The following MYRFL variants were observed in gnomAD, a reference collection of about 807,000 sequenced individuals.
MYRFL encodes myelin regulatory factor-like protein.
A neutral mutation model predicts 109.4 loss-of-function variants in MYRFL; 88 were observed. That is an observed-to-expected ratio of 0.80 (90% CI 0.68 to 0.96). The LOEUF (loss-of-function observed/expected upper bound fraction) is 0.96, where lower values mean the gene tolerates loss of function less well. Among genes scored for constraint, MYRFL ranks in the 40% least tolerant of loss-of-function variants. The pLI, the probability that MYRFL is intolerant of heterozygous loss-of-function variation, is 0.00. For missense variants in MYRFL, 957 were observed against 954.9 expected (o/e 1.00, Z -0.03); for synonymous variants, 324 against 320.9 (o/e 1.01, Z -0.10).
In MYRFL at chr12:69,958,278, A is replaced by G. The variant is rs1251614019; in HGVS notation, c.2601A>G (p.Val867=). 6.5e-7 allele frequency: 1 copy of G among 1,536,560 alleles called. No individual in the cohort carries two copies. Among genetic ancestry groups the G allele is most frequent in the Non-Finnish European group, 8.7e-7 (1 of 1,146,986 alleles). ...QGYQHIWSLP[V]APFSDSMFHF... is the part of the protein sequence containing the mutation. ...ATCAGCACATTTGGAGCCTCCCTGT[A>G]GCCCCATTTTCTGACAGCATGTTCC... The change falls in exon 24 of 25, where the codon GTA becomes GTG. Residue 867 remains valine (V), a synonymous_variant. Transcript: ENST00000552032.
At chr12:69,919,552 A>T (rs1425954948) in intron 13 of MYRFL, among the ~76,000 whole-genome samples, 1 of 152,186 alleles carries the variant, frequency 6.6e-6, no homozygotes, top group African/African-American at 2.4e-5. Flanking sequence ...GCCACCTGGA[A>T]GTCTGAGCTT....
At position 69,895,423 on chromosome 12, in the gene MYRFL, T is replaced by C; in HGVS notation, c.1033T>C (p.Phe345Leu). ...VTKVTLGRLH[F>L]SETTANNMRK... Reference sequence around the variant, plus strand: ...CAAAGTAACACTGGGACGATTACACTTCAGCGAAACCACAGCAAATAATAT... The same window carrying C: ...CAAAGTAACACTGGGACGATTACACCTCAGCGAAACCACAGCAAATAATAT... Residue 345 changes from phenylalanine (F) to leucine (L), a missense_variant, in exon 9 of 25, where the codon TTC (phenylalanine) becomes CTC (leucine). By Grantham distance (22) the Phe-to-Leu change is conservative (BLOSUM62 0). Transcript: ENST00000552032. The C allele has an allele frequency of 6.5e-7, 1 of 1,535,670 alleles. No homozygotes were observed. The highest frequency in any genetic ancestry group is 8.7e-7 in the Non-Finnish European group (1 of 1,146,650).
chr12:69,907,217 A>T (rs2120375945), intron 11 of MYRFL, among the ~76,000 whole-genome samples: 1 of 152,348 alleles, frequency 6.6e-6, no homozygotes, highest in East Asian at 1.9e-4. Context: ...TGTTTGAGGA[A>T]CATTGTCATA....
chr12:69,891,265 A>AT, intron 7 of MYRFL, 99 bp downstream of exon 7: 1 of 902,584 alleles, frequency 1.1e-6, no homozygotes, highest in Non-Finnish European at 1.5e-6. Context: ...ACTTAAAATA[A>AT]TAACAGTCCT....
At position 69,845,792 on chromosome 12, in the gene MYRFL, GAA is replaced by G. The variant is rs71276402; in HGVS notation, c.47-9471_47-9470del. ...ATGACTTTCCACTGTTGGGAAAAGC[GAA>G]AAAAAAAAAAAAAAAACCTTGTTAT... On this transcript the variant is annotated intron_variant, in intron 1 of 24. Transcript: ENST00000552032. 6.4e-3 allele frequency among the ~76,000 whole-genome samples: 767 copies of G among 120,478 alleles called. 5 individuals are homozygous for G. The highest frequency in any genetic ancestry group is 8.4e-3 in the Non-Finnish European group (468 of 55,556). The allele number at this position is 120,478 out of a possible 152,430, so 79.0% of individuals were successfully genotyped here. A position where few individuals can be genotyped will look rare whatever the true frequency, so the allele number is the denominator to read the frequency against.
Position 69,860,910 on chromosome 12 carries a change from A to G in MYRFL, c.137+5540A>G, listed in dbSNP as rs1027495278. ...CCCCCCTCCCCCCTCCCCCCACCCC[A>G]CAACAGTCCCCAGAGTGTGATGTTC... On this transcript the variant is annotated intron_variant, in intron 2 of 24. Transcript: ENST00000552032. Among the ~76,000 whole-genome samples, 15 of 91,002 alleles carry G rather than the reference A, an allele frequency of 1.6e-4. No homozygotes were observed. In the South Asian group the frequency reaches 4.8e-3, roughly 29 times the overall value. The allele number at this position is 91,002 out of a possible 152,430, so 59.7% of individuals were successfully genotyped here.
Position 69,926,396 on chromosome 12 carries a change from C to T in MYRFL, c.1603-175C>T, listed in dbSNP as rs545137068. On this transcript the variant is annotated intron_variant, in intron 13 of 24. Coordinates refer to ENST00000552032, the MANE Select transcript of MYRFL (RefSeq NM_182530.3). ...GTTTACTACACAGCCAGCAGTTTAG[C>T]AAGACTGTGTTCAGTTTCAAACCTC... Among the ~76,000 whole-genome samples the T allele has an allele frequency of 5.3e-5, 8 of 152,238 alleles. No individual in the cohort carries two copies. In the East Asian group the frequency reaches 1.5e-3, roughly 29 times the overall value.
Position 69,958,311 on chromosome 12 carries a change from T to C in MYRFL, c.2634T>C (p.Arg878=). 6.5e-7 allele frequency: 1 copy of C among 1,536,512 alleles called. No individual in the cohort carries two copies. The highest frequency in any genetic ancestry group is 1.2e-5 in the South Asian group (1 of 84,036). ...TTTCTGACAGCATGTTCCATTTCCGTGTAGCTGCACCGGTAAGCTTGCTTT... is the reference window on the plus strand; with the variant it reads ...TTTCTGACAGCATGTTCCATTTCCGCGTAGCTGCACCGGTAAGCTTGCTTT... The part of the protein sequence containing the change: ...APFSDSMFHF[R]VAAPDLADCS... Residue 878 remains arginine, a synonymous_variant, in exon 24 of 25, where the codon CGT becomes CGC. Coordinates refer to ENST00000552032, the MANE Select transcript of MYRFL (RefSeq NM_182530.3).
chr12:69,945,807 G>A (rs1723802836), intron 19 of MYRFL, among the ~76,000 whole-genome samples: 1 of 150,430 alleles, frequency 6.6e-6, no homozygotes, highest in African/African-American at 2.4e-5. Flanking sequence ...CTAAAACGGT[G>A]AAACCCCGTC....
At chr12:69,943,580 CT>C (rs1390385633) in intron 19 of MYRFL, among the ~76,000 whole-genome samples, 2 of 151,522 alleles carry the variant, frequency 1.3e-5, no homozygotes, top group African/African-American at 4.8e-5. Flanking sequence ...CATAAAAACC[CT>C]AGAAGAAAAC....
At chr12:69,936,230 GAGA>G (rs1955460940) in intron 17 of MYRFL, 43 bp downstream of exon 17, 4 of 1,535,394 alleles carry the variant, frequency 2.6e-6, no homozygotes, top group South Asian at 1.2e-5. Flanking sequence ...TTCCTTTGGA[GAGA>G]AGGATTTTTG....
At chr12:69,943,357 A>G (rs1391646669) in intron 19 of MYRFL, among the ~76,000 whole-genome samples, 3 of 148,528 alleles carry the variant, frequency 2.0e-5, no homozygotes, top group African/African-American at 7.5e-5. Context: ...GGAACAGAAC[A>G]GAGCCCTCAG....
chr12:69,922,140 G>A (rs1295847111), intron 13 of MYRFL, among the ~76,000 whole-genome samples: 1 of 152,072 alleles, frequency 6.6e-6, no homozygotes, highest in Non-Finnish European at 1.5e-5. Context: ...GGTGCAGGGA[G>A]GGGTTAGAGA....
chr12:69,850,985 C>G (rs960105081), intron 1 of MYRFL, among the ~76,000 whole-genome samples: 8 of 151,978 alleles, frequency 5.3e-5, no homozygotes, highest in South Asian at 2.1e-4. Flanking sequence ...ATTTTGCAAC[C>G]CACTTTTTTC....
chr12:69,881,168 C>T (rs971902625), intron 5 of MYRFL, among the ~76,000 whole-genome samples: 24 of 152,002 alleles, frequency 1.6e-4, no homozygotes, highest in Admixed American at 8.5e-4. Flanking sequence ...ATGGGTTTCA[C>T]TAAGTTGCCC....
chr12:69,852,579 A>ATTTTTTTTTTTTTTTTTTTTTTATT (rs61145700), intron 1 of MYRFL, among the ~76,000 whole-genome samples: 7 of 112,204 alleles, frequency 6.2e-5, no homozygotes, highest in Non-Finnish European at 1.3e-4. Context: ...TTAATTTTTA[A>ATTTTTTTTTTTTTTTTTTTTTTATT]TTTTTTTTTT....
chr12:69,897,778 G>C (rs541233863), intron 10 of MYRFL, among the ~76,000 whole-genome samples: 1 of 152,348 alleles, frequency 6.6e-6, no homozygotes, highest in African/African-American at 2.4e-5. Flanking sequence ...CCCACAGGGT[G>C]GGGAAAGTGG....
In MYRFL at chr12:69,897,145, C is replaced by T. The variant is rs1410544801; in HGVS notation, c.1092-11C>T. The T allele has an allele frequency of 3.9e-6, 6 of 1,529,616 alleles. No homozygotes were observed. In the East Asian group the frequency reaches 1.5e-4, roughly 37 times the overall value. 94.8% of individuals were successfully genotyped at this position (1,529,616 alleles called of 1,614,324 possible). On this transcript the variant is annotated splice_polypyrimidine_tract_variant and intron_variant, in intron 9 of 24. Coordinates refer to ENST00000552032, the MANE Select transcript of MYRFL (RefSeq NM_182530.3). ...TGATGCATTGGCATTGGTCTGCTGT[C>T]TCTGAATTAGATACTTCATGTTGGT... is the stretch of plus-strand genomic sequence containing the variant.
chr12:69,934,960 G>A (rs1592861740), intron 16 of MYRFL, among the ~76,000 whole-genome samples: 1 of 152,184 alleles, frequency 6.6e-6, no homozygotes, highest in South Asian at 2.1e-4. Flanking sequence ...TTGGCTTGAA[G>A]GTGGGGTTTC....
Sources: gnomAD v4.1 joint callset for allele counts (sites outside exome capture counted in the v4.1 genomes callset) on GRCh38, gnomAD v4.1.1 for gene constraint, MANE v1.5 for transcripts, NCBI Gene and HGNC (gene_info 2026-07-23, HGNC 2026-07-21) for gene names.